Variants in PDPN observed in about 807,000 individuals in gnomAD.
The protein encoded by PDPN is podoplanin.
Under a neutral mutation model 23.2 loss-of-function variants are expected in PDPN, and 12 were observed. The observed-to-expected ratio is 0.52, with a 90% CI of 0.33 to 0.84. PDPN has a LOEUF of 0.84. Ranked by LOEUF, PDPN falls within the 40% of genes least tolerant of loss-of-function variation. PDPN has a pLI of 0.02. For missense variants in PDPN, 199 were observed against 212.2 expected (o/e 0.94, Z 0.39); for synonymous variants, 77 against 76.7 (o/e 1.00, Z -0.02).
intron 1 of PDPN, among the ~76,000 whole-genome samples, chr1:13,594,804 G>A (rs912125603): frequency 6.6e-5 from 10 of 151,402 alleles, no homozygotes; most frequent in African/African-American, 2.2e-4. Flanking sequence ...GGCTAACACG[G>A]TGAAATCCCG....
chr1:13,612,499 C>T lies in PDPN; in HGVS notation c.332-1188C>T, dbSNP rs976624718. ...TAAGCAAATGATTGACTTATCTCTT[C>T]GGGCAGTTGACTTCTATCAGTGACA... is the stretch of plus-strand genomic sequence containing the variant. On this transcript the variant is annotated intron_variant, in intron 3 of 5. Transcript: ENST00000621990. 5.3e-5 allele frequency among the ~76,000 whole-genome samples: 8 copies of T among 152,136 alleles called. No individual in the cohort carries two copies. In the South Asian group the frequency reaches 8.3e-4, roughly 16 times the overall value.
At chr1:13,596,959 G>A (rs996126492) in intron 1 of PDPN, among the ~76,000 whole-genome samples, 1 of 152,102 alleles carries the variant, frequency 6.6e-6, no homozygotes, top group Non-Finnish European at 1.5e-5. Context: ...TTGGAGGTTG[G>A]CACCTTTCTA....
Position 13,616,236 on chromosome 1 carries a change from T to C in PDPN, c.*325T>C, listed in dbSNP as rs11880. 0.27 allele frequency: 108,366 copies of C among 394,178 alleles called. 16,708 individuals carry two copies. The highest frequency in any genetic ancestry group is 0.41 in the Admixed American group (9,512 of 23,268). The allele number at this position is 394,178 out of a possible 1,614,324, so 24.4% of individuals were successfully genotyped here. On this transcript the variant is annotated 3_prime_UTR_variant, in exon 6 of 6. Transcript: ENST00000621990. ...ACACTGGACCATTGGATCGATATTA[T>C]ATGCTGTAACCATGTGTCTCCGTCT...
chr1:13,601,691 A>G (rs1050756631), intron 1 of PDPN, among the ~76,000 whole-genome samples: 3 of 152,210 alleles, frequency 2.0e-5, no homozygotes, highest in Non-Finnish European at 4.4e-5. Context: ...ATTTGTCTCA[A>G]TGACAGCTGG....
chr1:13,613,830 T>C (rs1640996605), intron 4 of PDPN, 105 bp downstream of exon 4: 4 of 648,982 alleles, frequency 6.2e-6, no homozygotes, highest in Non-Finnish European at 1.1e-5. Flanking sequence ...TTGCAGTCAA[T>C]GAGAGCAGAA....
chr1:13,597,377 C>G (rs1159944369), intron 1 of PDPN, among the ~76,000 whole-genome samples: 1 of 152,200 alleles, frequency 6.6e-6, no homozygotes, highest in Non-Finnish European at 1.5e-5. Flanking sequence ...TTGACTAATA[C>G]CCTGGGTTTC....
intron 1 of PDPN, among the ~76,000 whole-genome samples, chr1:13,589,206 C>G (rs1333611244): frequency 6.6e-6 from 1 of 152,188 alleles, no homozygotes; most frequent in African/African-American, 2.4e-5. Flanking sequence ...CAGCTCCACC[C>G]TTTGCTTTTG....
chr1:13,586,656 T>C (rs958492096), intron 1 of PDPN, among the ~76,000 whole-genome samples: 5 of 151,372 alleles, frequency 3.3e-5, no homozygotes, highest in Non-Finnish European at 7.4e-5. Context: ...TCAATCATCA[T>C]AATACCTGTA....
chr1:13,593,043 ATTGCT>A (rs984840630), intron 1 of PDPN, among the ~76,000 whole-genome samples: 7 of 152,188 alleles, frequency 4.6e-5, no homozygotes, highest in African/African-American at 1.7e-4. Context: ...TTTTACCAAG[ATTGCT>A]TTGGTGATTC....
rs560469752 is a variant in PDPN, at chr1:13,608,060, G to A, written c.201+754G>A. On this transcript the variant is annotated intron_variant, in intron 2 of 5. Transcript: ENST00000621990. ...GTGGAGGTTGCAGTGAGCCGAGATC[G>A]CACCACTGCACTCCAGCCTGGGCAA... Among the ~76,000 whole-genome samples, 7 of 152,206 alleles carry A rather than the reference G, an allele frequency of 4.6e-5. No homozygotes were observed. The South Asian group carries it at 6.2e-4, about 14-fold the overall frequency.
intron 1 of PDPN, among the ~76,000 whole-genome samples, chr1:13,598,876 A>G (rs1413199277): frequency 6.6e-6 from 1 of 152,084 alleles, no homozygotes; most frequent in Non-Finnish European, 1.5e-5. Context: ...GGCAGCCTTT[A>G]TCAAGCTTAT....
At chr1:13,585,504 C>A (rs1486969877) in intron 1 of PDPN, 59 of 1,349,178 alleles carry the variant, frequency 4.4e-5, no homozygotes, top group Non-Finnish European at 5.6e-5. Flanking sequence ...TTTGTGCTCA[C>A]CAGGGCAAAG....
At position 13,610,409 on chromosome 1, in the gene PDPN, T is replaced by C; in HGVS notation, c.224T>C (p.Val75Ala). 6.2e-7 allele frequency: 1 copy of C among 1,613,856 alleles called. No homozygotes were observed. Among genetic ancestry groups the C allele is most frequent in the South Asian group, 1.1e-5 (1 of 91,072 alleles). ...TTLVATSVNS[V>A]TGIRIEDLPT... The stretch of plus-strand genomic sequence containing the variant: ...TAGGTGGCAACAAGTGTCAACAGTG[T>C]AACAGGCATTCGCATCGAGGATCTG... The change falls in exon 3 of 6, where the codon GTA becomes GCA. Residue 75 changes from valine (V) to alanine (A), a missense_variant. Val to Ala is a moderately conservative substitution (Grantham distance 64). Coordinates refer to ENST00000621990, the MANE Select transcript of PDPN (RefSeq NM_006474.5).
At chr1:13,613,446 T>TTC (rs1640985844) in intron 3 of PDPN, among the ~76,000 whole-genome samples, 1 of 152,092 alleles carries the variant, frequency 6.6e-6, no homozygotes, top group Non-Finnish European at 1.5e-5. Flanking sequence ...AATTAATACG[T>TTC]AGAAAAGTGC....
intron 1 of PDPN, among the ~76,000 whole-genome samples, chr1:13,588,156 CCT>C (rs1570008340): frequency 1.3e-5 from 2 of 149,722 alleles, no homozygotes; most frequent in East Asian, 4.0e-4. Flanking sequence ...CACACACACC[CCT>C]GGAGAAAGAT....
rs1018267346 is a variant in PDPN, at chr1:13,617,810, C to A, written c.*1899C>A. 2 of 151,926 alleles carry A rather than the reference C, an allele frequency of 1.3e-5. No individual in the cohort carries two copies. Among genetic ancestry groups the A allele is most frequent in the South Asian group, 2.1e-4 (1 of 4,822 alleles). 9.4% of individuals were successfully genotyped at this position (151,926 alleles called of 1,614,324 possible). On this transcript the variant is annotated 3_prime_UTR_variant, in exon 6 of 6. Coordinates refer to ENST00000621990, the MANE Select transcript of PDPN (RefSeq NM_006474.5). ...TTTTCTTTCCTATCCTTTCTTCCCC[C>A]CTCACTGTGAAAAATAACAGTCCAC...
chr1:13,593,558 C>T (rs943339495), intron 1 of PDPN, among the ~76,000 whole-genome samples: 1 of 152,208 alleles, frequency 6.6e-6, no homozygotes, highest in Middle Eastern at 3.2e-3. Context: ...CCAAGGGACG[C>T]TAGTGGAAAC....
intron 1 of PDPN, among the ~76,000 whole-genome samples, chr1:13,588,960 C>T (rs919653049): frequency 2.6e-5 from 4 of 152,034 alleles, no homozygotes; most frequent in Non-Finnish European, 4.4e-5. Flanking sequence ...CCACCATACC[C>T]GGCCAACAAT....
In PDPN at chr1:13,584,033, G is replaced by A. The variant is rs141040955; in HGVS notation, c.-1G>A. 2.3e-4 allele frequency: 366 copies of A among 1,613,340 alleles called. 1 individual carries two copies. The highest frequency in any genetic ancestry group is 1.6e-4 in the Middle Eastern group (1 of 6,084). On this transcript the variant is annotated 5_prime_UTR_variant, in exon 1 of 6. Transcript: ENST00000621990. ...AGGAGAGCAACAACTCAACGGGAAC[G>A]ATGTGGAAGGTGTCAGCTCTGCTCT...
Sources: allele counts gnomAD v4.1 joint callset (sites outside exome capture counted in the v4.1 genomes callset), GRCh38; gene constraint gnomAD v4.1.1; transcripts MANE v1.5; gene names NCBI Gene and HGNC (gene_info 2026-07-23, HGNC 2026-07-21).